SMC6: variants seen among roughly 807,000 people sequenced by gnomAD.
The protein encoded by SMC6 is structural maintenance of chromosomes protein 6.
In SMC6, 79 loss-of-function variants were observed where a neutral mutation model predicts 142.2. That is an observed-to-expected ratio of 0.56 (90% CI 0.46 to 0.67). The LOEUF (loss-of-function observed/expected upper bound fraction) is 0.67, where lower values mean the gene tolerates loss of function less well. Among genes scored for constraint, SMC6 ranks in the 30% least tolerant of loss-of-function variants. SMC6 has a pLI of 0.00. For missense variants in SMC6, 1,072 were observed against 1,284.0 expected, an observed-to-expected ratio of 0.83 and a Z score of 2.52; for synonymous variants, 411 against 412.4, an observed-to-expected ratio of 1.00 and a Z score of 0.04.
intron 13 of SMC6, 69 bp downstream of exon 13, chr2:17,717,019 C>T (rs1267045074): frequency 1.3e-6 from 2 of 1,525,388 alleles, no homozygotes; most frequent in Non-Finnish European, 8.9e-7. Flanking sequence ...AAATATAATA[C>T]TCCAATGCAT....
intron 26 of SMC6, among the ~76,000 whole-genome samples, chr2:17,666,944 T>G (rs1666525397): frequency 1.3e-5 from 2 of 152,180 alleles, no homozygotes; most frequent in Non-Finnish European, 2.9e-5. Flanking sequence ...ATCGCACCAT[T>G]GTACTCTAGC....
intron 5 of SMC6, 123 bp from the exon 6 acceptor site, chr2:17,732,000 T>C (rs1572344924): frequency 1.2e-6 from 1 of 845,678 alleles, no homozygotes; most frequent in Non-Finnish European, 1.8e-6. Flanking sequence ...GCAAATTAGA[T>C]TTACATCAAC....
chr2:17,717,437 C>CA (rs1669149355), intron 12 of SMC6, among the ~76,000 whole-genome samples: 1 of 150,364 alleles, frequency 6.7e-6, no homozygotes, highest in Non-Finnish European at 1.5e-5. Context: ...TTTGGGAGGC[C>CA]AAGGTGGGCG....
At chr2:17,743,935 G>A (rs950942975) in intron 3 of SMC6, among the ~76,000 whole-genome samples, 12 of 152,138 alleles carry the variant, frequency 7.9e-5, no homozygotes, top group Admixed American at 5.2e-4. Flanking sequence ...AATACTAATA[G>A]TGCATCGTCT....
At chr2:17,710,121 C>T (rs933145032) in intron 16 of SMC6, among the ~76,000 whole-genome samples, 2 of 152,122 alleles carry the variant, frequency 1.3e-5, no homozygotes, top group African/African-American at 4.8e-5. Flanking sequence ...TGCCAAGTAA[C>T]CAGAAGCAGG....
intron 19 of SMC6, among the ~76,000 whole-genome samples, chr2:17,702,845 A>G (rs1232761225): frequency 2.0e-5 from 3 of 152,136 alleles, no homozygotes; most frequent in Non-Finnish European, 4.4e-5. Flanking sequence ...GGCCTCCCCA[A>G]CCATGTGAAA....
intron 16 of SMC6, among the ~76,000 whole-genome samples, chr2:17,712,559 A>G (rs1668880180): frequency 6.6e-6 from 1 of 152,112 alleles, no homozygotes; most frequent in Non-Finnish European, 1.5e-5. Flanking sequence ...AGGAAAGCAC[A>G]TTTTCTGAAT....
chr2:17,713,752 C>T (rs894933402), intron 16 of SMC6, among the ~76,000 whole-genome samples: 1 of 152,326 alleles, frequency 6.6e-6, no homozygotes, highest in Non-Finnish European at 1.5e-5. Flanking sequence ...TTCTTCCTAT[C>T]AAAAATGCAA....
At position 17,727,176 on chromosome 2, in the gene SMC6, G is replaced by A. The variant is rs954079929; in HGVS notation, c.544-707C>T. Reference sequence around the variant, plus strand: ...TGAAGGATGCAAAGTATTGATTCTGGGTGTGTTCCCGAGGGTATTGCCAAA... The same window carrying A: ...TGAAGGATGCAAAGTATTGATTCTGAGTGTGTTCCCGAGGGTATTGCCAAA... On this transcript the variant is annotated intron_variant, in intron 7 of 27. Transcript: ENST00000448223. Among the ~76,000 whole-genome samples, 3 of 152,100 alleles carry A rather than the reference G, an allele frequency of 2.0e-5. No homozygotes were observed. The East Asian group carries it at 5.8e-4, about 29-fold the overall frequency.
chr2:17,701,508 G>T (rs1385137736), intron 20 of SMC6, among the ~76,000 whole-genome samples: 12 of 152,180 alleles, frequency 7.9e-5, no homozygotes, highest in Non-Finnish European at 2.9e-5. Flanking sequence ...CTCTGAGAGT[G>T]CCTATGTGAA....
intron 23 of SMC6, among the ~76,000 whole-genome samples, chr2:17,693,436 A>G (rs1463333191): frequency 1.3e-5 from 2 of 152,154 alleles, no homozygotes; most frequent in African/African-American, 2.4e-5. Context: ...TCAGCAAACT[A>G]TCACAAGGAC....
rs2124944988 is a variant in SMC6 at position 17,703,298 on chromosome 2, T to C, written c.2007-6A>G. 1 of 1,595,694 alleles carries C rather than the reference T, an allele frequency of 6.3e-7. No homozygotes were observed. The highest frequency in any genetic ancestry group is 8.5e-7 in the Non-Finnish European group (1 of 1,173,830). On this transcript the variant is annotated splice_region_variant and splice_polypyrimidine_tract_variant and intron_variant, in intron 18 of 27. Coordinates refer to ENST00000448223, the MANE Select transcript of SMC6 (RefSeq NM_001142286.2). ...CAACCTCATTCTCCAAGTCACTTGATAGGAAAGGAGAAGATAGAAAATACT... is the reference window on the plus strand; with the variant it reads ...CAACCTCATTCTCCAAGTCACTTGACAGGAAAGGAGAAGATAGAAAATACT...
rs1667985641 is a variant in SMC6 at position 17,696,346 on chromosome 2, G to A, written c.2475C>T (p.His825=). Residue 825 remains histidine (H), a synonymous_variant, in exon 22 of 28, where the codon CAC becomes CAT. Transcript: ENST00000448223. The part of the protein sequence containing the change: ...KRHYEEKQKE[H]LDTLNKKKRE... ...GTTTCTTTTTATTTAAGGTATCCAA[G>A]TGTTCTTTTTGTTTTTCTTCATAAT... The A allele has an allele frequency of 1.2e-6, 2 of 1,610,070 alleles. No individual in the cohort carries two copies. Among genetic ancestry groups the A allele is most frequent in the Non-Finnish European group, 1.7e-6 (2 of 1,179,112 alleles).
chr2:17,701,314 TTA>T (rs1668261115), intron 20 of SMC6, among the ~76,000 whole-genome samples: 1 of 152,054 alleles, frequency 6.6e-6, no homozygotes, highest in African/African-American at 2.4e-5. Flanking sequence ...AATTCACTGT[TTA>T]CTGCAACTCA....
At chr2:17,737,045 G>A (rs1670191362) in intron 5 of SMC6, among the ~76,000 whole-genome samples, 1 of 152,150 alleles carries the variant, frequency 6.6e-6, no homozygotes, top group Non-Finnish European at 1.5e-5. Context: ...GACTTTGCTG[G>A]ACTGGGGCCC....
chr2:17,679,183 C>CA (rs1667133178), intron 24 of SMC6: 1 of 415,150 alleles, frequency 2.4e-6, no homozygotes, highest in Non-Finnish European at 4.3e-6. Context: ...ACTTTTATAA[C>CA]AAAAAAATTA....
chr2:17,708,995 A>C (rs1166486831), intron 16 of SMC6, among the ~76,000 whole-genome samples: 1 of 152,088 alleles, frequency 6.6e-6, no homozygotes, highest in African/African-American at 2.4e-5. Context: ...GCATGTTACA[A>C]ATATTAGCTC....
intron 9 of SMC6, among the ~76,000 whole-genome samples, chr2:17,723,389 A>G (rs555678753): frequency 6.6e-6 from 1 of 152,304 alleles, no homozygotes; most frequent in East Asian, 1.9e-4. Context: ...CCTAAATTTT[A>G]TAAGGTCCTC....
intron 21 of SMC6, among the ~76,000 whole-genome samples, chr2:17,697,025 T>C (rs532959445): frequency 6.6e-6 from 1 of 152,238 alleles, no homozygotes; most frequent in South Asian, 2.1e-4. Flanking sequence ...AATTACTTGG[T>C]AATCTCAAAG....
Sources: allele counts gnomAD v4.1 joint callset (sites outside exome capture counted in the v4.1 genomes callset), GRCh38; gene constraint gnomAD v4.1.1; transcripts MANE v1.5; gene names NCBI Gene and HGNC (gene_info 2026-07-23, HGNC 2026-07-21).